The following BTF3L4 variants were observed in gnomAD, a reference collection of about 807,000 sequenced individuals.
The protein encoded by BTF3L4 is transcription factor BTF3 homolog 4.
BTF3L4 carries 6 observed loss-of-function variants against 16.8 expected under a neutral mutation model. The observed-to-expected ratio is 0.36, with a 90% confidence interval of 0.20 to 0.71. The LOEUF (loss-of-function observed/expected upper bound fraction) is 0.71, where lower values mean the gene tolerates loss of function less well. Among genes scored for constraint, BTF3L4 ranks in the 30% least tolerant of loss-of-function variants. The pLI, the probability that BTF3L4 is intolerant of heterozygous loss-of-function variation, is 0.58. For synonymous variants in BTF3L4, 39 were observed against 59.8 expected (o/e 0.65, Z 1.60); for missense variants, 92 against 186.9 (o/e 0.49, Z 2.96).
intron 2 of BTF3L4, chr1:52,060,718 C>T: frequency 4.2e-6 from 3 of 712,336 alleles, no homozygotes; most frequent in Admixed American, 1.1e-4. Context: ...CTGATGATAA[C>T]CACAGTTCCT....
At chr1:52,082,561 C>T (rs1643934536) in intron 3 of BTF3L4, among the ~76,000 whole-genome samples, 2 of 152,006 alleles carry the variant, frequency 1.3e-5, no homozygotes, top group Admixed American at 1.3e-4. Flanking sequence ...ATGGTGAAAC[C>T]CCATCTGTAC....
intron 3 of BTF3L4, among the ~76,000 whole-genome samples, chr1:52,077,385 T>A (rs1259199030): frequency 6.6e-6 from 1 of 151,616 alleles, no homozygotes; most frequent in African/African-American, 2.4e-5. Context: ...GTACTAAAAA[T>A]ATAAAAATTA....
chr1:52,090,441 A>G lies in BTF3L4; in HGVS notation c.*3683A>G, dbSNP rs889346613. 1 of 152,202 alleles carries G rather than the reference A, an allele frequency of 6.6e-6. No homozygotes were observed. Among genetic ancestry groups the G allele is most frequent in the Non-Finnish European group, 1.5e-5 (1 of 68,044 alleles). The allele number at this position is 152,202 out of a possible 1,614,324, so 9.4% of individuals were successfully genotyped here. A position where few individuals can be genotyped will look rare whatever the true frequency, so the allele number is the denominator to read the frequency against. The stretch of plus-strand genomic sequence containing the variant: ...CCAGTTCAGCCTGTATTGCTATGCC[A>G]CATAGAGTTTGCCTGAATTATTATA... On this transcript the variant is annotated 3_prime_UTR_variant, in exon 6 of 6. Transcript: ENST00000313334.
intron 2 of BTF3L4, among the ~76,000 whole-genome samples, chr1:52,061,222 C>T (rs1376025270): frequency 1.3e-5 from 2 of 152,140 alleles, no homozygotes; most frequent in African/African-American, 4.8e-5. Flanking sequence ...TGGGTGGTGG[C>T]TCACGCCTGT....
intron 4 of BTF3L4, among the ~76,000 whole-genome samples, chr1:52,085,318 TTTGTTG>T (rs34625670): frequency 3.9e-4 from 58 of 147,936 alleles, no homozygotes; most frequent in African/African-American, 7.2e-4. Context: ...TGTGCCCAGC[TTTGTTG>T]TTGTTGTTGT....
rs917695512 is a variant in BTF3L4 at position 52,089,749 on chromosome 1, C to A, written c.*2991C>A. On this transcript the variant is annotated 3_prime_UTR_variant, in exon 6 of 6. Transcript: ENST00000313334. Reference sequence around the variant, plus strand: ...AGCGCCTTATCTGTTTTGGACAAGTCCAAAGTAAATGGTTGGGCTCTTATA... The same window carrying A: ...AGCGCCTTATCTGTTTTGGACAAGTACAAAGTAAATGGTTGGGCTCTTATA... The A allele has an allele frequency of 6.6e-6, 1 of 152,010 alleles. No homozygotes were observed. Among genetic ancestry groups the A allele is most frequent in the Non-Finnish European group, 1.5e-5 (1 of 68,012 alleles). The allele number at this position is 152,010 out of a possible 1,614,324, so 9.4% of individuals were successfully genotyped here. A position where few individuals can be genotyped will look rare whatever the true frequency, so the allele number is the denominator to read the frequency against.
intron 3 of BTF3L4, among the ~76,000 whole-genome samples, chr1:52,072,246 G>C (rs1405556858): frequency 6.6e-6 from 1 of 151,854 alleles, no homozygotes; most frequent in Non-Finnish European, 1.5e-5. Context: ...AGTAGAGATG[G>C]GGTTTCACCA....
At chr1:52,077,985 G>C (rs1190826208) in intron 3 of BTF3L4, among the ~76,000 whole-genome samples, 1 of 152,150 alleles carries the variant, frequency 6.6e-6, no homozygotes. Flanking sequence ...GGGCATCTTC[G>C]TTGGAGGCAC....
rs1199529897 is a variant in BTF3L4, at chr1:52,079,859, TTTC to T, written c.169-3478_169-3476del. Among the ~76,000 whole-genome samples, 1,120 of 135,598 alleles carry T rather than the reference TTTC, an allele frequency of 8.3e-3. 12 individuals carry two copies. The highest frequency in any genetic ancestry group is 9.8e-3 in the Non-Finnish European group (633 of 64,754). The allele number at this position is 135,598 out of a possible 152,430, so 89.0% of individuals were successfully genotyped here. The stretch of plus-strand genomic sequence containing the variant: ...TCTCATGAGGCCATGGAATTTTCTT[TTTC>T]TTTTCTTTTCTTTTTTTTTTTTTTT... On this transcript the variant is annotated intron_variant, in intron 3 of 5. Coordinates refer to ENST00000313334, the MANE Select transcript of BTF3L4 (RefSeq NM_152265.5).
intron 2 of BTF3L4, chr1:52,060,509 C>T (rs1038608168): frequency 1.6e-6 from 2 of 1,258,776 alleles, no homozygotes; most frequent in Non-Finnish European, 1.0e-6. Context: ...CTTTTTAAAG[C>T]CTAAGGAAGA....
chr1:52,057,386 AG>A (rs1235915696), intron 1 of BTF3L4, among the ~76,000 whole-genome samples: 1 of 152,256 alleles, frequency 6.6e-6, no homozygotes, highest in East Asian at 1.9e-4. Context: ...GGAATCCCCA[AG>A]GAAGAACTCA....
chr1:52,059,400 T>C (rs1354332921), intron 1 of BTF3L4, among the ~76,000 whole-genome samples: 1 of 152,222 alleles, frequency 6.6e-6, no homozygotes, highest in Non-Finnish European at 1.5e-5. Flanking sequence ...AAATACAGAA[T>C]GTGATTTGGG....
chr1:52,085,456 C>G (rs866211214), intron 4 of BTF3L4, among the ~76,000 whole-genome samples: 1 of 151,648 alleles, frequency 6.6e-6, no homozygotes, highest in Non-Finnish European at 1.5e-5. Flanking sequence ...ACCACCATAC[C>G]TGGCTGAAAA....
At chr1:52,059,169 TATAAC>T (rs1439559414) in intron 1 of BTF3L4, among the ~76,000 whole-genome samples, 1 of 151,976 alleles carries the variant, frequency 6.6e-6, no homozygotes, top group Non-Finnish European at 1.5e-5. Context: ...TCTTGACAAG[TATAAC>T]ATACTATATC....
intron 3 of BTF3L4, among the ~76,000 whole-genome samples, chr1:52,072,029 T>TG (rs11420979): frequency 0.053 from 7,196 of 135,056 alleles, 286 homozygotes; most frequent in African/African-American, 0.068. Flanking sequence ...GGTTTTTTTT[T>TG]GTTTTTTTTT....
intron 1 of BTF3L4, 48 bp from the exon 2 acceptor site, chr1:52,059,787 A>G: frequency 1.3e-6 from 2 of 1,569,872 alleles, no homozygotes; most frequent in South Asian, 2.2e-5. Flanking sequence ...ACAGTTTGTT[A>G]ATTTCGGCAA....
In BTF3L4 at chr1:52,086,798, A is replaced by G; in HGVS notation, c.*40A>G. The G allele has an allele frequency of 1.4e-6, 2 of 1,440,970 alleles. No homozygotes were observed. The highest frequency in any genetic ancestry group is 2.9e-5 in the African/African-American group (2 of 70,150). 89.3% of individuals were successfully genotyped at this position (1,440,970 alleles called of 1,614,324 possible). A position where few individuals can be genotyped will look rare whatever the true frequency, so the allele number is the denominator to read the frequency against. On this transcript the variant is annotated 3_prime_UTR_variant, in exon 6 of 6. Transcript: ENST00000313334. Reference sequence around the variant, plus strand: ...GAAGCTGGCATGGACTAGATTTAACAAATCAGCTATGTGGTTCCAAAGTTT... The same window carrying G: ...GAAGCTGGCATGGACTAGATTTAACGAATCAGCTATGTGGTTCCAAAGTTT...
chr1:52,064,197 T>C (rs1477447909), intron 2 of BTF3L4, among the ~76,000 whole-genome samples: 2 of 152,232 alleles, frequency 1.3e-5, no homozygotes, highest in Non-Finnish European at 2.9e-5. Flanking sequence ...TTGCCCTAGT[T>C]ATGGGTCTCA....
intron 2 of BTF3L4, among the ~76,000 whole-genome samples, chr1:52,061,181 G>A (rs1686497972): frequency 6.6e-6 from 1 of 152,156 alleles, no homozygotes; most frequent in Middle Eastern, 3.2e-3. Flanking sequence ...TTTATCACTA[G>A]GCGAAAAGGT....
Sources: gnomAD v4.1 joint callset for allele counts (sites outside exome capture counted in the v4.1 genomes callset) on GRCh38, gnomAD v4.1.1 for gene constraint, MANE v1.5 for transcripts, NCBI Gene and HGNC (gene_info 2026-07-23, HGNC 2026-07-21) for gene names.